The following ELP4 variants were observed in gnomAD, a reference collection of about 807,000 sequenced individuals.
ELP4 encodes elongator acetyltransferase complex subunit 4, also known as elongator complex protein 4.
Under a neutral mutation model 48.9 loss-of-function variants are expected in ELP4, and 51 were observed. The ratio of observed to expected loss-of-function variants is 1.04; its 90% confidence interval spans 0.83 to 1.32. ELP4 has a LOEUF of 1.32. ELP4 is among the 40% of genes most tolerant of loss of function. The pLI, the probability that ELP4 is intolerant of heterozygous loss-of-function variation, is 0.00. For missense variants in ELP4, 519 were observed against 514.6 expected (o/e 1.01, Z -0.08); for synonymous variants, 210 against 189.2 (o/e 1.11, Z -0.90).
chr11:31,714,563 G>T (rs1946802876), intron 9 of ELP4: 1 of 397,900 alleles, frequency 2.5e-6, no homozygotes. Flanking sequence ...TTCTATTGCT[G>T]CTATGAAAAA....
intron 9 of ELP4, among the ~76,000 whole-genome samples, chr11:31,671,790 A>G (rs1945813087): frequency 6.6e-6 from 1 of 152,204 alleles, no homozygotes; most frequent in African/African-American, 2.4e-5. Flanking sequence ...GGTAGAAAAT[A>G]AACAACAAGA....
intron 9 of ELP4, among the ~76,000 whole-genome samples, chr11:31,721,956 A>C (rs141317135): frequency 1.4e-4 from 21 of 152,308 alleles, no homozygotes; most frequent in Non-Finnish European, 2.8e-4. Context: ...GGCCCTCTCC[A>C]GTGCCTTCCT....
chr11:31,744,106 A>G (rs560680464), intron 9 of ELP4, among the ~76,000 whole-genome samples: 1 of 152,336 alleles, frequency 6.6e-6, no homozygotes, highest in Non-Finnish European at 1.5e-5. Context: ...AGAGAATACT[A>G]TAAACACCTC....
chr11:31,662,211 A>G lies in ELP4; in HGVS notation c.1143+11990A>G, dbSNP rs563710617. 3.9e-5 allele frequency among the ~76,000 whole-genome samples: 6 copies of G among 152,280 alleles called. No individual in the cohort carries two copies. The South Asian group carries it at 1.0e-3, about 26-fold the overall frequency. ...ATGTGTAATTCAGTCAAAAACAAAA[A>G]AAGTACATGTAAAGATATTTTGGAA... On this transcript the variant is annotated intron_variant, in intron 9 of 9. Transcript: ENST00000640961.
chr11:31,732,784 T>C (rs1285328666), intron 9 of ELP4, among the ~76,000 whole-genome samples: 2 of 152,180 alleles, frequency 1.3e-5, no homozygotes, highest in Non-Finnish European at 2.9e-5. Flanking sequence ...ACACAAAATA[T>C]ACTTTTTGTC....
At chr11:31,783,159 A>G (rs776241277) in intron 9 of ELP4, among the ~76,000 whole-genome samples, 3 of 152,234 alleles carry the variant, frequency 2.0e-5, no homozygotes, top group African/African-American at 2.4e-5. Context: ...AAATGTTCCA[A>G]TAAGATTCCT....
chr11:31,616,013 C>G (rs1384518281), intron 5 of ELP4, among the ~76,000 whole-genome samples: 2 of 151,850 alleles, frequency 1.3e-5, no homozygotes, highest in Non-Finnish European at 2.9e-5. Context: ...CTTCAAAAAT[C>G]CTATGACATT....
In ELP4 at chr11:31,635,548, G is replaced by A. The variant is rs558063635; in HGVS notation, c.927+3143G>A. On this transcript the variant is annotated intron_variant, in intron 7 of 9. Transcript: ENST00000640961. ...AAACAAACTGCACAAAGTACCATTC[G>A]ATGATAGAAAGAACCTGGGATCTTA... Among the ~76,000 whole-genome samples, 10 of 151,958 alleles carry A rather than the reference G, an allele frequency of 6.6e-5. No homozygotes were observed. The South Asian group carries it at 2.1e-3, about 32-fold the overall frequency.
intron 5 of ELP4, among the ~76,000 whole-genome samples, chr11:31,619,634 TCC>T (rs1244052419): frequency 6.7e-6 from 1 of 150,188 alleles, no homozygotes; most frequent in Non-Finnish European, 1.5e-5. Context: ...CCTAATCACC[TCC>T]CAAAATTTTC....
At chr11:31,752,062 G>A (rs889392987) in intron 9 of ELP4, among the ~76,000 whole-genome samples, 1 of 152,066 alleles carries the variant, frequency 6.6e-6, no homozygotes, top group Non-Finnish European at 1.5e-5. Context: ...GGATAATACG[G>A]GAAAAGGAAA....
intron 9 of ELP4, chr11:31,652,233 T>C (rs890457684): frequency 1.3e-4 from 19 of 151,716 alleles, no homozygotes; most frequent in Non-Finnish European, 2.5e-4. Context: ...TTTTTTGTTA[T>C]TTTAATATAA....
chr11:31,535,823 C>T (rs997197475), intron 2 of ELP4, among the ~76,000 whole-genome samples: 2 of 152,188 alleles, frequency 1.3e-5, no homozygotes, highest in African/African-American at 4.8e-5. Context: ...TATAGAATAT[C>T]GTGTAACTGC....
At chr11:31,731,029 G>A (rs554151847) in intron 9 of ELP4, among the ~76,000 whole-genome samples, 1 of 151,628 alleles carries the variant, frequency 6.6e-6, no homozygotes, top group South Asian at 2.1e-4. Flanking sequence ...GTTTAGAGAA[G>A]ACACATCAGA....
At chr11:31,616,374 A>C (rs1310146374) in intron 5 of ELP4, among the ~76,000 whole-genome samples, 1 of 152,074 alleles carries the variant, frequency 6.6e-6, no homozygotes, top group Non-Finnish European at 1.5e-5. Context: ...CATGCAAAAA[A>C]ATAAAAATAA....
chr11:31,515,926 C>T lies in ELP4; in HGVS notation c.224-4130C>T, dbSNP rs1358165237. Among the ~76,000 whole-genome samples the T allele has an allele frequency of 4.6e-5, 7 of 152,102 alleles. 1 individual carries two copies. The highest frequency in any genetic ancestry group is 2.0e-4 in the Admixed American group (3 of 15,266). On this transcript the variant is annotated intron_variant, in intron 1 of 9. Transcript: ENST00000640961. ...GAGATTGAGACCATCCTGGCTAACA[C>T]GGTGAAACCCCGTCGCTACTAAAAA...
At chr11:31,588,493 A>G (rs1167629867) in intron 3 of ELP4, among the ~76,000 whole-genome samples, 1 of 152,212 alleles carries the variant, frequency 6.6e-6, no homozygotes, top group Non-Finnish European at 1.5e-5. Flanking sequence ...GCTTGCCGGT[A>G]TAATGGGTGG....
Position 31,787,547 on chromosome 11 carries a change from C to A in ELP4, c.*4023C>A, listed in dbSNP as rs886048194. On this transcript the variant is annotated 3_prime_UTR_variant, in exon 10 of 10. Coordinates refer to ENST00000640961, the MANE Select transcript of ELP4 (RefSeq NM_019040.5). ...CTCTGACAGTTCCCTCAGCACACAG[C>A]CCTCAGGGAATGTAGGCTGCAAAAT... The A allele has an allele frequency of 8.6e-6, 2 of 232,762 alleles. No homozygotes were observed. The highest frequency in any genetic ancestry group is 5.6e-5 in the Admixed American group (1 of 17,760). 14.4% of individuals were successfully genotyped at this position (232,762 alleles called of 1,614,324 possible).
intron 3 of ELP4, among the ~76,000 whole-genome samples, chr11:31,540,954 G>C (rs1367304971): frequency 6.6e-6 from 1 of 152,118 alleles, no homozygotes; most frequent in Non-Finnish European, 1.5e-5. Context: ...TTCCCTCAGA[G>C]AGGACACTTT....
chr11:31,619,097 C>A (rs530074750), intron 5 of ELP4, among the ~76,000 whole-genome samples: 32 of 151,754 alleles, frequency 2.1e-4, no homozygotes, highest in Non-Finnish European at 4.0e-4. Context: ...AGAGTAGTAG[C>A]TGGTAAATGA....
Sources: gnomAD v4.1 joint callset for allele counts (sites outside exome capture counted in the v4.1 genomes callset) on GRCh38, gnomAD v4.1.1 for gene constraint, MANE v1.5 for transcripts, NCBI Gene and HGNC (gene_info 2026-07-23, HGNC 2026-07-21) for gene names.